TRIM39: variants seen among roughly 807,000 people sequenced by gnomAD.
TRIM39 encodes tripartite motif containing 39, also known as E3 ubiquitin-protein ligase TRIM39.
TRIM39 carries 5 observed loss-of-function variants against 53.6 expected under a neutral mutation model. The ratio of observed to expected loss-of-function variants is 0.09; its 90% CI spans 0.05 to 0.20. The LOEUF (loss-of-function observed/expected upper bound fraction) is 0.20. Ranked by LOEUF, TRIM39 falls within the 10% of genes least tolerant of loss-of-function variation. TRIM39 has a pLI of 1.00. For synonymous variants in TRIM39, 196 were observed against 237.6 expected, an observed-to-expected ratio of 0.82 and a Z score of 1.61; for missense variants, 310 against 621.0, an observed-to-expected ratio of 0.50 and a Z score of 5.32.
rs551341995 is a variant in TRIM39, at chr6:30,336,856, T to A, written c.780+881T>A. Among the ~76,000 whole-genome samples, 23 of 152,348 alleles carry A rather than the reference T, an allele frequency of 1.5e-4. No homozygotes were observed. In the South Asian group the frequency reaches 4.6e-3, roughly 30 times the overall value. ...GAATCCTTACCAGAAAGCCTTCAATTTACTTTGCCTAGATCTATCAGAAAA... is the reference window on the plus strand; with the variant it reads ...GAATCCTTACCAGAAAGCCTTCAATATACTTTGCCTAGATCTATCAGAAAA... On this transcript the variant is annotated intron_variant, in intron 5 of 7. Transcript: ENST00000396551.
intron 4 of TRIM39, among the ~76,000 whole-genome samples, chr6:30,331,309 T>C (rs1232721462): frequency 6.6e-6 from 1 of 150,626 alleles, no homozygotes; most frequent in Non-Finnish European, 1.5e-5. Flanking sequence ...AAGAACAATG[T>C]AGTTCTCTCA....
chr6:30,341,459 C>T (rs1043642864), intron 7 of TRIM39: 8 of 715,802 alleles, frequency 1.1e-5, no homozygotes, highest in African/African-American at 7.0e-5. Context: ...GAGGACCAGG[C>T]GGGAACCTAG....
In TRIM39 at chr6:30,335,499, T is replaced by G. The variant is rs1243845294; in HGVS notation, c.550-246T>G. On this transcript the variant is annotated intron_variant, in intron 4 of 7. Coordinates refer to ENST00000396551, the Ensembl canonical transcript of TRIM39. This position sits in a 1 kb window ranked among gnomAD's most constrained non-coding sequence, Gnocchi z 4.7. ...ACCAGACTCAGCTAATTTTTTGTAT[T>G]TTTTGTAGAGTTGGGGTTTCACCAT... 6.6e-6 allele frequency among the ~76,000 whole-genome samples: 1 copy of G among 152,010 alleles called. No homozygotes were observed. The highest frequency in any genetic ancestry group is 1.5e-5 in the Non-Finnish European group (1 of 67,998).
intron 6 of TRIM39, 149 bp from the exon 7 acceptor site, chr6:30,340,356 C>A: frequency 6.2e-7 from 1 of 1,612,874 alleles, no homozygotes; most frequent in Non-Finnish European, 8.5e-7. Flanking sequence ...TAAAAGAAAT[C>A]AACAGGTGAG....
chr6:30,327,598 C>T (rs1785525963), intron 1 of TRIM39: 1 of 152,366 alleles, frequency 6.6e-6, no homozygotes, highest in South Asian at 2.1e-4. Context: ...AGAGTCCTCT[C>T]CCTTCTTCCC....
intron 5 of TRIM39, chr6:30,336,196 T>C (rs1177298270): frequency 1.3e-6 from 1 of 741,082 alleles, no homozygotes; most frequent in Non-Finnish European, 2.4e-6. Flanking sequence ...ATTATGTGCT[T>C]AATCTGTTCC....
intron 7 of TRIM39, 28 bp downstream of exon 7, chr6:30,340,648 A>G: frequency 6.2e-7 from 1 of 1,600,378 alleles, no homozygotes. Context: ...GGAAACTAGA[A>G]GAAACCACTA....
At chr6:30,330,624 C>A (rs1213496117) in intron 3 of TRIM39, among the ~76,000 whole-genome samples, 157 bp from the exon 4 acceptor site, 1 of 152,154 alleles carries the variant, frequency 6.6e-6, no homozygotes, top group Non-Finnish European at 1.5e-5. Context: ...AGAAAGTTGA[C>A]ATCCCAAATG....
chr6:30,336,341 G>A (rs1786857712), intron 5 of TRIM39, among the ~76,000 whole-genome samples: 1 of 152,174 alleles, frequency 6.6e-6, no homozygotes, highest in South Asian at 2.1e-4. Context: ...GCTGAAAAAG[G>A]ACAGAAACAT....
chr6:30,341,258 T>G, intron 7 of TRIM39: 1 of 364,134 alleles, frequency 2.7e-6, no homozygotes, highest in South Asian at 2.3e-5. Context: ...TATATTAATG[T>G]GAATATGCAG....
At chr6:30,330,730 A>G (rs1049798198) in intron 3 of TRIM39, 51 bp from the exon 4 acceptor site, 21 of 1,577,528 alleles carry the variant, frequency 1.3e-5, no homozygotes, top group Admixed American at 1.7e-5. Flanking sequence ...AATGGTAGGT[A>G]TACCAGTCAA....
At chr6:30,337,967 A>G (rs1787065194) in intron 5 of TRIM39, among the ~76,000 whole-genome samples, 1 of 152,254 alleles carries the variant, frequency 6.6e-6, no homozygotes, top group African/African-American at 2.4e-5. Flanking sequence ...TTTTTGTTAC[A>G]GAGATGGCTT....
exon 8 of TRIM39, chr6:30,341,714 G>A (rs746225186): frequency 4.3e-6 from 7 of 1,610,452 alleles, no homozygotes; most frequent in Non-Finnish European, 5.1e-6. Context: ...CCCGCCAGCG[G>A]ATGTGACCCT....
At position 30,339,524 on chromosome 6, in the gene TRIM39, C is replaced by G. The variant is rs1053261165; in HGVS notation, c.781-384C>G. 1.3e-5 allele frequency among the ~76,000 whole-genome samples: 2 copies of G among 152,112 alleles called. No homozygotes were observed. The highest frequency in any genetic ancestry group is 4.8e-5 in the African/African-American group (2 of 41,416). ...CAGGAATGTGTGATTTGTTCCTATG[C>G]CACCAGTCTGGAACTCTCTGTACTT... On this transcript the variant is annotated intron_variant, in intron 5 of 7. Coordinates refer to ENST00000396551, the Ensembl canonical transcript of TRIM39. This position sits in a 1 kb window ranked among gnomAD's most constrained non-coding sequence, Gnocchi z 4.2.
At position 30,335,457 on chromosome 6, in the gene TRIM39, G is replaced by T. The variant is rs1056701695; in HGVS notation, c.550-288G>T. Among the ~76,000 whole-genome samples, 2 of 152,042 alleles carry T rather than the reference G, an allele frequency of 1.3e-5. No individual in the cohort carries two copies. The highest frequency in any genetic ancestry group is 4.8e-5 in the African/African-American group (2 of 41,388). On this transcript the variant is annotated intron_variant, in intron 4 of 7. Coordinates refer to ENST00000396551, the Ensembl canonical transcript of TRIM39. This position sits in a 1 kb window ranked among gnomAD's most constrained non-coding sequence, Gnocchi z 4.7. ...CCACCTCAGCCTCTCCAGTAGCTGG[G>T]ACTACAGGCATGCACCACCAGACTC...
chr6:30,336,109 C>A, intron 5 of TRIM39, 134 bp downstream of exon 5: 1 of 1,352,596 alleles, frequency 7.4e-7, no homozygotes, highest in Non-Finnish European at 1.0e-6. Flanking sequence ...CAGGTGTACT[C>A]AAAGGGTCTT....
At position 30,335,922 on chromosome 6, in the gene TRIM39, T is replaced by C; in HGVS notation, c.727T>C (p.Leu243=). 6.2e-7 allele frequency: 1 copy of C among 1,612,686 alleles called. No individual in the cohort carries two copies. Among genetic ancestry groups the C allele is most frequent in the South Asian group, 1.1e-5 (1 of 91,078 alleles). ...GGACAAGCGCCGGGACCTGGCCCAC[T>C]TGGCTGCCGAGGTGGAGGGCAAGTG... Residue 243 remains leucine (L), a synonymous_variant, in exon 5 of 8, where the codon TTG becomes CTG. Coordinates refer to ENST00000396551, the Ensembl canonical transcript of TRIM39. This position sits in a 1 kb window ranked among gnomAD's most constrained non-coding sequence, Gnocchi z 4.7.
chr6:30,337,562 T>A (rs1256171161), intron 5 of TRIM39, among the ~76,000 whole-genome samples: 1 of 152,202 alleles, frequency 6.6e-6, no homozygotes, highest in East Asian at 1.9e-4. Flanking sequence ...TAATTTTTTT[T>A]AATTAAAAAC....
chr6:30,328,249 A>G (rs1785650196), intron 1 of TRIM39, among the ~76,000 whole-genome samples: 1 of 152,236 alleles, frequency 6.6e-6, no homozygotes, highest in Non-Finnish European at 1.5e-5. Context: ...ATATTGAAAG[A>G]TTCCAGTCAC....
Sources: gnomAD v4.1 joint callset for allele counts (sites outside exome capture counted in the v4.1 genomes callset) on GRCh38, gnomAD v4.1.1 for gene constraint, Gnocchi (gnomAD v3.1) non-coding constraint, MANE v1.5 for transcripts, NCBI Gene and HGNC (gene_info 2026-07-23, HGNC 2026-07-21) for gene names.